The following TMEM117 variants were observed in gnomAD, a reference collection of about 807,000 sequenced individuals.
The protein encoded by TMEM117 is transmembrane protein 117.
In TMEM117, 27 loss-of-function variants were observed where a neutral mutation model predicts 52.4. That is an observed-to-expected ratio of 0.51 (90% CI 0.38 to 0.71). The LOEUF (loss-of-function observed/expected upper bound fraction) is 0.71. TMEM117 is among the 30% of genes least tolerant of loss of function. The pLI is 0.00. For synonymous variants in TMEM117, 215 were observed against 206.3 expected (o/e 1.04, Z -0.36); for missense variants, 556 against 630.5 (o/e 0.88, Z 1.26).
upstream of TMEM117, among the ~76,000 whole-genome samples, chr12:43,834,428 G>A (rs1165240583): frequency 6.6e-6 from 1 of 152,176 alleles, no homozygotes; most frequent in South Asian, 2.1e-4. Context: ...CTCTGCCCTT[G>A]AAGAGTTCAT....
At chr12:43,948,980 C>T (rs147840045) in intron 3 of TMEM117, among the ~76,000 whole-genome samples, 11 of 152,194 alleles carry the variant, frequency 7.2e-5, no homozygotes, top group African/African-American at 2.4e-4. Context: ...GGATTTGGCT[C>T]ATATTAATTG....
Position 44,278,683 on chromosome 12 carries a change from T to C in TMEM117, c.609-20897T>C, listed in dbSNP as rs75993306. On this transcript the variant is annotated intron_variant, in intron 5 of 7. Coordinates refer to ENST00000266534, the MANE Select transcript of TMEM117 (RefSeq NM_032256.3). ...TCTGTAACATTAAAATAAGTCTTCATTGAACAATTTTAAGAATTTAAGAAT... is the reference window on the plus strand; with the variant it reads ...TCTGTAACATTAAAATAAGTCTTCACTGAACAATTTTAAGAATTTAAGAAT... 4.0e-3 allele frequency among the ~76,000 whole-genome samples: 602 copies of C among 152,360 alleles called. 3 individuals are homozygous for C. Among genetic ancestry groups the C allele is most frequent in the African/African-American group, 0.013 (561 of 41,584 alleles).
At chr12:43,919,059 A>G (rs774270053) in intron 2 of TMEM117, among the ~76,000 whole-genome samples, 1 of 152,178 alleles carries the variant, frequency 6.6e-6, no homozygotes, top group African/African-American at 2.4e-5. Flanking sequence ...TCGGTGTTGT[A>G]TCTCCAGCCC....
intron 3 of TMEM117, among the ~76,000 whole-genome samples, chr12:44,070,588 C>G (rs1007441762): frequency 2.0e-5 from 3 of 152,220 alleles, no homozygotes; most frequent in Middle Eastern, 3.4e-3. Flanking sequence ...CTGCAGTGAT[C>G]CTCTGGGGGA....
At chr12:43,914,252 C>G (rs1415014282) in intron 2 of TMEM117, among the ~76,000 whole-genome samples, 1 of 152,118 alleles carries the variant, frequency 6.6e-6, no homozygotes, top group African/African-American at 2.4e-5. Flanking sequence ...AGTTACTAAA[C>G]TTTCTCTGAT....
intron 1 of TMEM117, among the ~76,000 whole-genome samples, chr12:43,842,156 T>A (rs1322714478): frequency 6.6e-6 from 1 of 152,168 alleles, no homozygotes; most frequent in Non-Finnish European, 1.5e-5. Context: ...ACACATTGAA[T>A]ATCATGAAAA....
intron 2 of TMEM117, among the ~76,000 whole-genome samples, chr12:43,943,146 C>G (rs1030954339): frequency 7.5e-6 from 1 of 134,038 alleles, no homozygotes; most frequent in African/African-American, 2.7e-5. Context: ...CCACTGCACT[C>G]CAGCCCAGCA....
At chr12:44,355,664 CT>C (rs973133487) in intron 6 of TMEM117, among the ~76,000 whole-genome samples, 2 of 152,018 alleles carry the variant, frequency 1.3e-5, no homozygotes, top group African/African-American at 4.8e-5. Context: ...GAAATGTAGG[CT>C]TGAGTGTGTT....
At chr12:44,224,641 G>C (rs557423593) in intron 5 of TMEM117, among the ~76,000 whole-genome samples, 2 of 152,194 alleles carry the variant, frequency 1.3e-5, no homozygotes, top group African/African-American at 4.8e-5. Context: ...GAAAGTCACT[G>C]GGAGCTTATT....
chr12:43,818,939 T>A, the TMEM117 span, among the ~76,000 whole-genome samples: 7 of 152,238 alleles, frequency 4.6e-5, no homozygotes, highest in Admixed American at 3.9e-4. Flanking sequence ...TTCTTTCAAT[T>A]TTAAATACAT....
intron 6 of TMEM117, among the ~76,000 whole-genome samples, chr12:44,331,714 A>T (rs1951272815): frequency 6.6e-6 from 1 of 152,046 alleles, no homozygotes; most frequent in Admixed American, 6.6e-5. Flanking sequence ...ATAGAATTCA[A>T]CAATTTTTTA....
chr12:44,179,223 T>A (rs963819064), intron 4 of TMEM117, among the ~76,000 whole-genome samples: 1 of 151,904 alleles, frequency 6.6e-6, no homozygotes. Flanking sequence ...GCTATATATA[T>A]ATATACATAA....
chr12:43,928,672 C>A (rs997203379), intron 2 of TMEM117, among the ~76,000 whole-genome samples: 1 of 151,130 alleles, frequency 6.6e-6, no homozygotes, highest in African/African-American at 2.4e-5. Flanking sequence ...TATACATGTG[C>A]CATGCTGGTG....
chr12:43,832,808 C>G (rs143770425), upstream of TMEM117, among the ~76,000 whole-genome samples: 75 of 152,308 alleles, frequency 4.9e-4, no homozygotes, highest in East Asian at 0.013. Context: ...CTCAGTATGC[C>G]TGTCTCCTCA....
chr12:43,806,453 G>A, the TMEM117 span: 25 of 1,037,676 alleles, frequency 2.4e-5, no homozygotes, highest in Non-Finnish European at 3.0e-5. Context: ...TCCAGCCCCC[G>A]GCCTCGCTAT....
intron 3 of TMEM117, among the ~76,000 whole-genome samples, chr12:44,024,527 A>C (rs1380523771): frequency 2.0e-5 from 3 of 151,710 alleles, no homozygotes; most frequent in Non-Finnish European, 4.4e-5. Context: ...AGCAGGGTAT[A>C]TAACTAAATG....
At chr12:44,222,977 C>T (rs1301188531) in intron 5 of TMEM117, among the ~76,000 whole-genome samples, 12 of 131,950 alleles carry the variant, frequency 9.1e-5, no homozygotes, top group African/African-American at 4.1e-4. Context: ...AAGTGTGAAC[C>T]CTGATAAAAA....
At chr12:44,080,739 A>G (rs1422279311) in intron 3 of TMEM117, among the ~76,000 whole-genome samples, 1 of 152,212 alleles carries the variant, frequency 6.6e-6, no homozygotes, top group Non-Finnish European at 1.5e-5. Context: ...AAGATGATAT[A>G]AAATGTAAAT....
At chr12:43,937,501 A>G (rs1357172374) in intron 2 of TMEM117, among the ~76,000 whole-genome samples, 2 of 152,178 alleles carry the variant, frequency 1.3e-5, no homozygotes, top group Non-Finnish European at 2.9e-5. Flanking sequence ...TAAGACAAAT[A>G]TAGGGTATAC....
Sources: gnomAD v4.1 joint callset for allele counts (sites outside exome capture counted in the v4.1 genomes callset) on GRCh38, gnomAD v4.1.1 for gene constraint, MANE v1.5 for transcripts, NCBI Gene and HGNC (gene_info 2026-07-23, HGNC 2026-07-21) for gene names.